Variants in LMO2 observed in about 807,000 individuals in gnomAD.
LMO2 encodes the protein LIM domain only 2.
A neutral mutation model predicts 23.2 loss-of-function variants in LMO2; 20 were observed. The ratio of observed to expected loss-of-function variants is 0.86; its 90% CI spans 0.61 to 1.25. LMO2 has a LOEUF of 1.25. Among genes scored for constraint, LMO2 ranks in the 50% most tolerant of loss-of-function variants. The pLI is 0.00. For synonymous variants in LMO2, 123 were observed against 130.2 expected, an observed-to-expected ratio of 0.94 and a Z score of 0.38; for missense variants, 270 against 315.3, an observed-to-expected ratio of 0.86 and a Z score of 1.09.
intron 2 of LMO2, among the ~76,000 whole-genome samples, chr11:33,871,396 C>CAAAAAAT (rs1857019227): frequency 6.6e-6 from 1 of 151,116 alleles, no homozygotes. Context: ...CCCGTTTCTA[C>CAAAAAAT]AAAAAATAAA....
rs767694321 is a variant in LMO2 at position 33,891,812 on chromosome 11, C to T, written c.-353G>A. On this transcript the variant is annotated 5_prime_UTR_variant, in exon 1 of 6. Transcript: ENST00000257818. ...CTACTCACCAGCAGATGATGTAATCCTGGTGGCTTCCCCCATCAGATCTAG... is the reference window on the plus strand; with the variant it reads ...CTACTCACCAGCAGATGATGTAATCTTGGTGGCTTCCCCCATCAGATCTAG... 2.6e-5 allele frequency: 4 copies of T among 152,212 alleles called. No homozygotes were observed. The highest frequency in any genetic ancestry group is 4.4e-5 in the Non-Finnish European group (3 of 68,058). The allele number at this position is 152,212 out of a possible 1,614,324, so 9.4% of individuals were successfully genotyped here.
Position 33,877,461 on chromosome 11 carries a change from CTTTTT to C in LMO2, c.-272+4358_-272+4362del, listed in dbSNP as rs398015741. Among the ~76,000 whole-genome samples the C allele has an allele frequency of 1.4e-3, 141 of 104,402 alleles. 1 individual carries two copies. Among genetic ancestry groups the C allele is most frequent in the African/African-American group, 5.0e-3 (133 of 26,822 alleles). 68.5% of individuals were successfully genotyped at this position (104,402 alleles called of 152,430 possible). ...TGCCCCTACAAGCTGTCTCCAGATT[CTTTTT>C]TTTTTTTTTTTTTTTTGAGACAGTG... On this transcript the variant is annotated intron_variant, in intron 2 of 5. Transcript: ENST00000257818.
chr11:33,859,420 A>G lies in LMO2; in HGVS notation c.620T>C (p.Ile207Thr). The G allele has an allele frequency of 6.2e-7, 1 of 1,614,096 alleles. No individual in the cohort carries two copies. The highest frequency in any genetic ancestry group is 8.5e-7 in the Non-Finnish European group (1 of 1,180,004). The change falls in exon 6 of 6, where the codon ATC becomes ACC. Residue 207 changes from isoleucine (I) to threonine (T), a missense_variant. By Grantham distance (89) the Ile-to-Thr change is moderately conservative (BLOSUM62 -1). Transcript: ENST00000257818. Reference sequence around the variant, plus strand: ...CTGTTCGCACACTATGTCAGAGTTGATGAGGAGGTATCTGTCACCTACACA... The same window carrying G: ...CTGTTCGCACACTATGTCAGAGTTGGTGAGGAGGTATCTGTCACCTACACA... The part of the protein sequence containing the change: ...HFCVGDRYLL[I>T]NSDIVCEQDI...
At chr11:33,859,722 T>G in intron 5 of LMO2, 147 bp from the exon 6 acceptor site, 1 of 646,974 alleles carries the variant, frequency 1.5e-6, no homozygotes. Context: ...GGCCGGCTAG[T>G]GCAGTCTTCA....
Position 33,869,698 on chromosome 11 carries a change from T to G in LMO2, c.7+12A>C, listed in dbSNP as rs759509997. The G allele has an allele frequency of 3.9e-6, 5 of 1,295,296 alleles. No individual in the cohort carries two copies. Among genetic ancestry groups the G allele is most frequent in the Non-Finnish European group, 5.0e-6 (5 of 1,002,382 alleles). 80.2% of individuals were successfully genotyped at this position (1,295,296 alleles called of 1,614,324 possible). ...AGGCGGCTGCAGCTGCTGCTGCTGCTCAGGACTTAACCTTCCATCCCGGTC... is the reference window on the plus strand; with the variant it reads ...AGGCGGCTGCAGCTGCTGCTGCTGCGCAGGACTTAACCTTCCATCCCGGTC... On this transcript the variant is annotated intron_variant, in intron 3 of 5. Transcript: ENST00000257818.
At chr11:33,861,529 C>CT (rs1240988036) in intron 5 of LMO2, among the ~76,000 whole-genome samples, 2 of 152,170 alleles carry the variant, frequency 1.3e-5, no homozygotes, top group African/African-American at 4.8e-5. Flanking sequence ...AAACTCATTA[C>CT]TGGGGGGAGA....
rs545660672 is a variant in LMO2, at chr11:33,880,940, ACTT to A, written c.-272+881_-272+883del. On this transcript the variant is annotated intron_variant, in intron 2 of 5. Transcript: ENST00000257818. The surrounding 1 kb of genome is among the most constrained non-coding windows in gnomAD (Gnocchi z 4.3). Reference sequence around the variant, plus strand: ...GTGCTCATCCCTGACTTCTGGATAAACTTCTTTGCAGAAGCCCATTTGACTCCA... The same window carrying A: ...GTGCTCATCCCTGACTTCTGGATAAACTTTGCAGAAGCCCATTTGACTCCA... 3.0e-4 allele frequency: 101 copies of A among 342,224 alleles called. 1 individual carries two copies. The highest frequency in any genetic ancestry group is 2.0e-3 in the South Asian group (86 of 44,058). The allele number at this position is 342,224 out of a possible 1,614,324, so 21.2% of individuals were successfully genotyped here. A position where few individuals can be genotyped will look rare whatever the true frequency, so the allele number is the denominator to read the frequency against.
At chr11:33,881,105 G>T (rs996160987) in intron 2 of LMO2, 2 of 451,836 alleles carry the variant, frequency 4.4e-6, no homozygotes, top group African/African-American at 4.0e-5. Context: ...CATTTGGGAT[G>T]GTGGTGGTGG....
At position 33,859,506 on chromosome 11, in the gene LMO2, C is replaced by T. The variant is rs762177105; in HGVS notation, c.534G>A (p.Arg178=). The change falls in exon 6 of 6, where the codon CGG becomes CGA. Residue 178 remains arginine, a synonymous_variant. Coordinates refer to ENST00000257818, the MANE Select transcript of LMO2 (RefSeq NM_005574.4). ...KRIRAYEMTM[R]VKDKVYHLEC... ...CCAGGTGATACACTTTGTCTTTCAC[C>T]CGCATTGTCATCTCATAGGCACGAA... 4 of 1,613,934 alleles carry T rather than the reference C, an allele frequency of 2.5e-6. No individual in the cohort carries two copies. The South Asian group carries it at 3.3e-5, about 13-fold the overall frequency.
At chr11:33,884,371 A>G (rs183052174) in intron 1 of LMO2, among the ~76,000 whole-genome samples, 1 of 152,136 alleles carries the variant, frequency 6.6e-6, no homozygotes, top group Non-Finnish European at 1.5e-5. Context: ...GCATATGATT[A>G]CTAGGTGCTG....
At chr11:33,860,132 G>T (rs546328831) in intron 5 of LMO2, among the ~76,000 whole-genome samples, 68 of 152,054 alleles carry the variant, frequency 4.5e-4, no homozygotes, top group Non-Finnish European at 8.2e-4. Context: ...CTGATTATTC[G>T]CTGGGGCCCC....
intron 2 of LMO2, among the ~76,000 whole-genome samples, chr11:33,871,567 CAAAAAAA>C (rs58212820): frequency 1.9e-5 from 1 of 52,936 alleles, no homozygotes; most frequent in East Asian, 5.4e-4. Flanking sequence ...GACCCTGTCT[CAAAAAAA>C]AAAAAAAAAA....
At chr11:33,870,160 GT>G (rs1227556791) in intron 2 of LMO2, 173 bp from the exon 3 acceptor site, 2 of 272,770 alleles carry the variant, frequency 7.3e-6, no homozygotes, top group Non-Finnish European at 1.1e-5. Flanking sequence ...AAAGGGGCCA[GT>G]GTCGGGGACG....
intron 1 of LMO2, among the ~76,000 whole-genome samples, chr11:33,882,565 A>G (rs1171360696): frequency 6.6e-6 from 1 of 152,246 alleles, no homozygotes; most frequent in East Asian, 1.9e-4. Context: ...AAAAGCCAAC[A>G]CGCAGACACC....
intron 4 of LMO2, among the ~76,000 whole-genome samples, chr11:33,868,539 G>A (rs1035420911): frequency 6.6e-6 from 1 of 152,094 alleles, no homozygotes; most frequent in African/African-American, 2.4e-5. Context: ...AATGGGTGAG[G>A]GATAGAAAAA....
rs546807384 is a variant in LMO2 at position 33,886,776 on chromosome 11, A to G, written c.-335-4889T>C. 1.0e-3 allele frequency among the ~76,000 whole-genome samples: 155 copies of G among 152,308 alleles called. 6 individuals carry two copies. In the South Asian group the frequency reaches 0.031, roughly 30 times the overall value. On this transcript the variant is annotated intron_variant, in intron 1 of 5. Transcript: ENST00000257818. ...TTGGGGGGCTCCTTTGTCTTGCTCC[A>G]AGATCCACATGGTGGTAGGTGTCAG...
rs1400209330 is a variant in LMO2, at chr11:33,869,437, G to A, written c.157C>T (p.Arg53Cys). Residue 53 changes from arginine (R) to cysteine (C), a missense_variant, in exon 4 of 6, where the codon CGC (arginine) becomes TGC (cysteine). Transcript: ENST00000257818. ...GVRAPAAGQP[R>C]ATKGAPPPPG... The stretch of plus-strand genomic sequence containing the variant: ...GGCGGGGGCGCTCCCTTTGTGGCGC[G>A]GGGCTGGCCGGCTGCCGGGGCTCGG... The A allele has an allele frequency of 2.5e-6, 3 of 1,195,560 alleles. No homozygotes were observed. The highest frequency in any genetic ancestry group is 4.6e-5 in the Admixed American group (1 of 21,928). The allele number at this position is 1,195,560 out of a possible 1,614,324, so 74.1% of individuals were successfully genotyped here.
chr11:33,875,136 T>C (rs905170091), intron 2 of LMO2, among the ~76,000 whole-genome samples: 4 of 152,208 alleles, frequency 2.6e-5, no homozygotes, highest in Non-Finnish European at 4.4e-5. Context: ...AGCTTCCACA[T>C]CTGTAAAGCG....
intron 5 of LMO2, among the ~76,000 whole-genome samples, chr11:33,861,618 T>C (rs1399301216): frequency 2.6e-5 from 4 of 152,222 alleles, no homozygotes; most frequent in Admixed American, 2.6e-4. Context: ...AAGACAGTTC[T>C]GGTTTCCTGA....
Sources: gnomAD v4.1 joint callset for allele counts (sites outside exome capture counted in the v4.1 genomes callset) on GRCh38, gnomAD v4.1.1 for gene constraint, Gnocchi (gnomAD v3.1) non-coding constraint, MANE v1.5 for transcripts, NCBI Gene and HGNC (gene_info 2026-07-23, HGNC 2026-07-21) for gene names.